RNF216: variants seen among roughly 807,000 people sequenced by gnomAD.
RNF216 encodes the protein E3 ubiquitin-protein ligase RNF216.
Under a neutral mutation model 110.8 loss-of-function variants are expected in RNF216, and 72 were observed. That is an observed-to-expected ratio of 0.65 (90% CI 0.54 to 0.79). The LOEUF (loss-of-function observed/expected upper bound fraction) is 0.79, where lower values mean the gene tolerates loss of function less well. Among genes scored for constraint, RNF216 ranks in the 30% least tolerant of loss-of-function variants. The probability of loss-of-function intolerance (pLI) is 0.00; values close to 1 mark genes in which losing one functional copy is unlikely to be tolerated. For missense variants in RNF216, 1,342 were observed against 1,141.2 expected, an observed-to-expected ratio of 1.18 and a Z score of -2.54; for synonymous variants, 495 against 407.5, an observed-to-expected ratio of 1.21 and a Z score of -2.59.
chr7:5,676,130 C>T (rs1224010821), intron 13 of RNF216, among the ~76,000 whole-genome samples: 1 of 151,974 alleles, frequency 6.6e-6, no homozygotes, highest in African/African-American at 2.4e-5. Context: ...TCGTCTCAGC[C>T]TTCCAAGTAG....
chr7:5,659,319 T>C (rs978936671), intron 13 of RNF216, among the ~76,000 whole-genome samples: 1 of 152,198 alleles, frequency 6.6e-6, no homozygotes, highest in African/African-American at 2.4e-5. Flanking sequence ...AACACAGATA[T>C]TAACTGACAC....
intron 3 of RNF216, among the ~76,000 whole-genome samples, chr7:5,748,623 C>T (rs1040979441): frequency 1.6e-5 from 2 of 124,792 alleles, no homozygotes; most frequent in African/African-American, 3.3e-5. Context: ...CACACACACA[C>T]ACACACACAC....
chr7:5,635,708 G>A (rs935941241), intron 15 of RNF216, among the ~76,000 whole-genome samples: 90 of 152,220 alleles, frequency 5.9e-4, no homozygotes, highest in African/African-American at 2.1e-3. Context: ...TGGAAACCCA[G>A]GCTACCATTT....
At chr7:5,661,340 G>C (rs535677139) in intron 13 of RNF216, among the ~76,000 whole-genome samples, 5 of 152,118 alleles carry the variant, frequency 3.3e-5, no homozygotes, top group African/African-American at 9.6e-5. Context: ...GAACTTACAG[G>C]TGTGCGCCAC....
intron 15 of RNF216, among the ~76,000 whole-genome samples, chr7:5,631,127 C>G (rs533627014): frequency 5.3e-5 from 8 of 152,174 alleles, no homozygotes; most frequent in African/African-American, 1.9e-4. Context: ...CGTAACAGGA[C>G]AAAACAAAAC....
In RNF216 at chr7:5,679,697, C is replaced by T. The variant is rs1790528733; in HGVS notation, c.2062-27187G>A. On this transcript the variant is annotated intron_variant, in intron 13 of 16. Transcript: ENST00000389902. ...GTCATGGAATCTCCCATGGAATGTG[C>T]TACTGCAAGGAACAATTAAACAAAA... is the stretch of plus-strand genomic sequence containing the variant. Among the ~76,000 whole-genome samples the T allele has an allele frequency of 2.6e-5, 4 of 152,180 alleles. No individual in the cohort carries two copies. In the South Asian group the frequency reaches 8.3e-4, roughly 32 times the overall value.
In RNF216 at chr7:5,663,754, C is replaced by T. The variant is rs1052099825; in HGVS notation, c.2062-11244G>A. Among the ~76,000 whole-genome samples the T allele has an allele frequency of 1.4e-4, 22 of 151,736 alleles. No individual in the cohort carries two copies. The East Asian group carries it at 3.5e-3, about 24-fold the overall frequency. On this transcript the variant is annotated intron_variant, in intron 13 of 16. Coordinates refer to ENST00000389902, the MANE Select transcript of RNF216 (RefSeq NM_207111.4). ...CTCTACTAAAAATACAAAAATTAGCCGGGTGTGGTGGCGCACGCCTGTAGT... is the reference window on the plus strand; with the variant it reads ...CTCTACTAAAAATACAAAAATTAGCTGGGTGTGGTGGCGCACGCCTGTAGT...
intron 15 of RNF216, among the ~76,000 whole-genome samples, chr7:5,629,677 A>G (rs1049788806): frequency 6.6e-6 from 1 of 151,834 alleles, no homozygotes; most frequent in African/African-American, 2.4e-5. Flanking sequence ...AAATACAAAA[A>G]TTAGCTAGGT....
At chr7:5,639,673 T>C (rs140847393) in intron 15 of RNF216, among the ~76,000 whole-genome samples, 6,471 of 152,218 alleles carry the variant, frequency 0.043, 193 homozygotes, top group Non-Finnish European at 0.058. Flanking sequence ...TTGGTCAGGC[T>C]GGTCTTGAAC....
intron 15 of RNF216, among the ~76,000 whole-genome samples, chr7:5,636,543 T>G (rs1219398317): frequency 6.6e-6 from 1 of 152,210 alleles, no homozygotes; most frequent in East Asian, 1.9e-4. Flanking sequence ...GCTGGTTAAT[T>G]AAGCCAGAGA....
intron 1 of RNF216, among the ~76,000 whole-genome samples, chr7:5,778,304 T>C (rs1400977805): frequency 1.3e-5 from 2 of 152,226 alleles, no homozygotes; most frequent in Non-Finnish European, 2.9e-5. Flanking sequence ...TCTTCTTCAC[T>C]GCCTCTTGGA....
At chr7:5,647,354 G>C (rs1171923754) in intron 14 of RNF216, among the ~76,000 whole-genome samples, 2 of 116,908 alleles carry the variant, frequency 1.7e-5, no homozygotes, top group Admixed American at 2.0e-4. Flanking sequence ...TTTTTTTTGA[G>C]ATAGGGTCTT....
chr7:5,717,907 C>T (rs1465026850), intron 9 of RNF216, among the ~76,000 whole-genome samples: 1 of 152,084 alleles, frequency 6.6e-6, no homozygotes, highest in Non-Finnish European at 1.5e-5. Flanking sequence ...CTCAGCTTCC[C>T]GAGTAGCTGG....
intron 1 of RNF216, among the ~76,000 whole-genome samples, chr7:5,767,587 G>T (rs184699168): frequency 6.7e-6 from 1 of 148,606 alleles, no homozygotes; most frequent in East Asian, 1.9e-4. Flanking sequence ...CAGCAAACAT[G>T]TATTGTTGAG....
intron 3 of RNF216, among the ~76,000 whole-genome samples, chr7:5,743,251 ACT>A (rs1249161818): frequency 1.3e-5 from 2 of 152,072 alleles, no homozygotes; most frequent in Non-Finnish European, 2.9e-5. Flanking sequence ...ACAGAGCAAG[ACT>A]CTGTCTCAAA....
At chr7:5,742,787 G>C (rs1296652120) in intron 3 of RNF216, among the ~76,000 whole-genome samples, 1 of 151,596 alleles carries the variant, frequency 6.6e-6, no homozygotes, top group Non-Finnish European at 1.5e-5. Flanking sequence ...TTAGAGACAG[G>C]GTTTTGCCAT....
chr7:5,770,118 A>C (rs1409971166), intron 1 of RNF216, among the ~76,000 whole-genome samples: 1 of 149,962 alleles, frequency 6.7e-6, no homozygotes, highest in Non-Finnish European at 1.5e-5. Context: ...AGGCTGAGGC[A>C]AGCAGATTGC....
rs1393687152 is a variant in RNF216 at position 5,680,800 on chromosome 7, C to T, written c.2062-28290G>A. 6.6e-6 allele frequency among the ~76,000 whole-genome samples: 1 copy of T among 152,202 alleles called. No homozygotes were observed. Among genetic ancestry groups the T allele is most frequent in the East Asian group, 1.9e-4 (1 of 5,196 alleles). On this transcript the variant is annotated intron_variant, in intron 13 of 16. Transcript: ENST00000389902. This position sits in a 1 kb window ranked among gnomAD's most constrained non-coding sequence, Gnocchi z 4.3. ...GGCTCCCCTGTATCCCTGAAGGACA[C>T]AGCCACCCACTGGCTGCTCATGCAA...
chr7:5,639,710 T>C (rs1427602997), intron 15 of RNF216, among the ~76,000 whole-genome samples: 5 of 152,122 alleles, frequency 3.3e-5, no homozygotes, highest in Non-Finnish European at 7.4e-5. Flanking sequence ...TCCACCCGCC[T>C]TGGTTTCCCA....
Sources: gnomAD v4.1 joint callset for allele counts (sites outside exome capture counted in the v4.1 genomes callset) on GRCh38, gnomAD v4.1.1 for gene constraint, Gnocchi (gnomAD v3.1) non-coding constraint, MANE v1.5 for transcripts, NCBI Gene and HGNC (gene_info 2026-07-23, HGNC 2026-07-21) for gene names.